Variants in STPG2 observed in about 807,000 individuals in gnomAD.
STPG2 encodes sperm tail PG-rich repeat containing 2.
A neutral mutation model predicts 54.2 loss-of-function variants in STPG2; 56 were observed. The observed-to-expected ratio is 1.03, with a 90% CI of 0.83 to 1.29. The LOEUF (loss-of-function observed/expected upper bound fraction) is 1.29. STPG2 is among the 50% of genes most tolerant of loss of function. The probability of loss-of-function intolerance (pLI) is 0.00; values close to 1 mark genes in which losing one functional copy is unlikely to be tolerated. For missense variants in STPG2, 596 were observed against 544.9 expected, an observed-to-expected ratio of 1.09 and a Z score of -0.93; for synonymous variants, 200 against 181.8, an observed-to-expected ratio of 1.10 and a Z score of -0.81.
At chr4:98,023,832 C>T (rs1736320238) in intron 5 of STPG2, among the ~76,000 whole-genome samples, 1 of 152,208 alleles carries the variant, frequency 6.6e-6, no homozygotes, top group Non-Finnish European at 1.5e-5. Flanking sequence ...ACCCTCCGAG[C>T]CATGTGCAGG....
chr4:98,021,344 AAT>A lies in STPG2; in HGVS notation c.613-40028_613-40027del, dbSNP rs1278254347. ...TTGAGCGGTTTTGAGTGAGTTTCTT[AAT>A]CCTGAGTTCTAGTTTGATTGCACTG... On this transcript the variant is annotated intron_variant, in intron 5 of 10. Coordinates refer to ENST00000295268, the MANE Select transcript of STPG2 (RefSeq NM_174952.3). Among the ~76,000 whole-genome samples the A allele has an allele frequency of 4.3e-5, 6 of 138,560 alleles. 1 individual carries two copies. The highest frequency in any genetic ancestry group is 2.0e-4 in the East Asian group (1 of 4,928). The allele number at this position is 138,560 out of a possible 152,430, so 90.9% of individuals were successfully genotyped here. A position where few individuals can be genotyped will look rare whatever the true frequency, so the allele number is the denominator to read the frequency against.
rs187291575 is a variant in STPG2 at position 97,967,624 on chromosome 4, C to G, written c.933+4656G>C. On this transcript the variant is annotated intron_variant, in intron 7 of 10. Transcript: ENST00000295268. Reference sequence around the variant, plus strand: ...TAGTTGGAAGTAAAACACTCCTCAGCAAATGCAAAAGAACAGAAATCACAA... The same window carrying G: ...TAGTTGGAAGTAAAACACTCCTCAGGAAATGCAAAAGAACAGAAATCACAA... Among the ~76,000 whole-genome samples, 640 of 152,284 alleles carry G rather than the reference C, an allele frequency of 4.2e-3. 3 individuals are homozygous for G. Among genetic ancestry groups the G allele is most frequent in the South Asian group, 0.024 (116 of 4,822 alleles).
At chr4:97,795,034 G>A (rs1352181399) in intron 9 of STPG2, among the ~76,000 whole-genome samples, 1 of 152,076 alleles carries the variant, frequency 6.6e-6, no homozygotes, top group African/African-American at 2.4e-5. Flanking sequence ...ACAATCTTCA[G>A]TTTTTGTATC....
intron 2 of STPG2, among the ~76,000 whole-genome samples, chr4:98,130,949 A>AAAAAAAAAAC (rs1739976689): frequency 7.9e-6 from 1 of 126,360 alleles, no homozygotes; most frequent in Non-Finnish European, 1.7e-5. Flanking sequence ...ACAAAAAAAA[A>AAAAAAAAAAC]ACGACTTTCC....
At chr4:98,002,050 G>A (rs1735429232) in intron 5 of STPG2, among the ~76,000 whole-genome samples, 1 of 152,006 alleles carries the variant, frequency 6.6e-6, no homozygotes, top group African/African-American at 2.4e-5. Context: ...TGAAATCAAA[G>A]TCTAAAAGAG....
intron 9 of STPG2, among the ~76,000 whole-genome samples, chr4:97,777,131 A>C (rs1726402594): frequency 6.6e-6 from 1 of 152,182 alleles, no homozygotes; most frequent in Non-Finnish European, 1.5e-5. Context: ...AGGATGGTTA[A>C]AATGCACTTC....
intron 5 of STPG2, among the ~76,000 whole-genome samples, chr4:98,022,048 G>C (rs2149292094): frequency 6.6e-6 from 1 of 151,984 alleles, no homozygotes; most frequent in Non-Finnish European, 1.5e-5. Flanking sequence ...GTGTGAATTT[G>C]ATCCTGTCAT....
intron 9 of STPG2, among the ~76,000 whole-genome samples, chr4:97,820,053 T>C (rs923409305): frequency 1.3e-5 from 2 of 152,184 alleles, no homozygotes; most frequent in African/African-American, 2.4e-5. Flanking sequence ...TCTAACAGTA[T>C]GTGCTCCCTT....
At chr4:97,528,966 C>T (rs942857482) in intron 4 of STPG2, among the ~76,000 whole-genome samples, 14 of 152,158 alleles carry the variant, frequency 9.2e-5, no homozygotes, top group African/African-American at 2.2e-4. Context: ...TATTTGAATA[C>T]CCTTTATTTC....
chr4:97,637,956 C>G lies in STPG2; in HGVS notation c.1320+74743G>C, dbSNP rs1281488448. Among the ~76,000 whole-genome samples, 609 of 151,866 alleles carry G rather than the reference C, an allele frequency of 4.0e-3. 6 individuals are homozygous for G. Among genetic ancestry groups the G allele is most frequent in the Non-Finnish European group, 6.3e-3 (431 of 67,882 alleles). On this transcript the variant is annotated intron_variant, in intron 10 of 10. Transcript: ENST00000295268. ...CAGATTCAATGCCATCCCCATCAAG[C>G]TACCAATGACTTTCTTCACAGAATT...
At chr4:97,732,905 A>G (rs1168799602) in intron 9 of STPG2, among the ~76,000 whole-genome samples, 2 of 152,210 alleles carry the variant, frequency 1.3e-5, no homozygotes. Flanking sequence ...CTCCTGTAAG[A>G]ATGGTCATTA....
intron 10 of STPG2, among the ~76,000 whole-genome samples, chr4:97,635,940 A>C (rs1488581671): frequency 6.7e-6 from 1 of 150,100 alleles, no homozygotes; most frequent in Non-Finnish European, 1.5e-5. Flanking sequence ...AACGAGACAG[A>C]AAGTCAACAA....
chr4:98,030,288 A>G (rs1004936923), intron 5 of STPG2, among the ~76,000 whole-genome samples: 1 of 152,176 alleles, frequency 6.6e-6, no homozygotes, highest in African/African-American at 2.4e-5. Flanking sequence ...TGGCTTCTGC[A>G]CAGCTCACAT....
At chr4:98,018,189 C>T (rs547378289) in intron 5 of STPG2, among the ~76,000 whole-genome samples, 1 of 151,890 alleles carries the variant, frequency 6.6e-6, no homozygotes, top group Non-Finnish European at 1.5e-5. Flanking sequence ...CACAACAGTC[C>T]CCAGAGTGTG....
chr4:98,079,973 G>A (rs1738292676), intron 5 of STPG2, among the ~76,000 whole-genome samples: 1 of 152,014 alleles, frequency 6.6e-6, no homozygotes, highest in Non-Finnish European at 1.5e-5. Flanking sequence ...TCGGAAATAT[G>A]CTGTGGGTAA....
chr4:97,741,736 A>G (rs900005058), intron 9 of STPG2, among the ~76,000 whole-genome samples: 19 of 151,666 alleles, frequency 1.3e-4, no homozygotes, highest in African/African-American at 4.3e-4. Flanking sequence ...GAGGATGTGG[A>G]GAAATAGGAA....
chr4:97,871,441 A>C (rs1282701430), intron 8 of STPG2, among the ~76,000 whole-genome samples: 1 of 150,958 alleles, frequency 6.6e-6, no homozygotes, highest in Non-Finnish European at 1.5e-5. Flanking sequence ...AATTTTTTAA[A>C]AGTAAGGATT....
Position 98,045,180 on chromosome 4 carries a change from G to A in STPG2, c.612+60773C>T, listed in dbSNP as rs2149309830. Among the ~76,000 whole-genome samples, 3 of 151,366 alleles carry A rather than the reference G, an allele frequency of 2.0e-5. No homozygotes were observed. The East Asian group carries it at 5.8e-4, about 29-fold the overall frequency. On this transcript the variant is annotated intron_variant, in intron 5 of 10. Coordinates refer to ENST00000295268, the MANE Select transcript of STPG2 (RefSeq NM_174952.3). ...AATCCTCCTTCCCTGCTAGGTGCCT[G>A]TCACCTGTCTTCACTGCCTCCTTTT...
At chr4:97,625,324 C>T (rs1358788500) in intron 10 of STPG2, among the ~76,000 whole-genome samples, 1 of 152,084 alleles carries the variant, frequency 6.6e-6, no homozygotes, top group African/African-American at 2.4e-5. Flanking sequence ...TAGATGCAAA[C>T]TGGCCTCTTC....
Sources: allele counts gnomAD v4.1 joint callset (sites outside exome capture counted in the v4.1 genomes callset), GRCh38; gene constraint gnomAD v4.1.1; transcripts MANE v1.5; gene names NCBI Gene and HGNC (gene_info 2026-07-23, HGNC 2026-07-21).